PPFIA2: variants seen among roughly 807,000 people sequenced by gnomAD.
PPFIA2 encodes the protein liprin-alpha-2.
PPFIA2 carries 46 observed loss-of-function variants against 175.5 expected under a neutral mutation model. The observed-to-expected ratio is 0.26, with a 90% CI of 0.21 to 0.34. The LOEUF (loss-of-function observed/expected upper bound fraction) is 0.34, where lower values mean the gene tolerates loss of function less well. PPFIA2 is among the 10% of genes least tolerant of loss of function. PPFIA2 has a pLI of 1.00. For missense variants in PPFIA2, 1,179 were observed against 1,506.1 expected (o/e 0.78, Z 3.60); for synonymous variants, 568 against 511.4 (o/e 1.11, Z -1.49).
chr12:81,602,583 C>T (rs956780633), intron 4 of PPFIA2, among the ~76,000 whole-genome samples: 1 of 151,788 alleles, frequency 6.6e-6, no homozygotes, highest in Admixed American at 6.6e-5. Flanking sequence ...TTGTTGAAAG[C>T]TAACAACCAG....
chr12:81,409,561 A>C (rs1313162331), intron 7 of PPFIA2, among the ~76,000 whole-genome samples: 1 of 152,140 alleles, frequency 6.6e-6, no homozygotes, highest in Non-Finnish European at 1.5e-5. Flanking sequence ...CTATGGGATA[A>C]GGCATCATAA....
intron 4 of PPFIA2, among the ~76,000 whole-genome samples, chr12:81,460,389 C>A (rs2054315544): frequency 6.6e-6 from 1 of 152,110 alleles, no homozygotes; most frequent in African/African-American, 2.4e-5. Flanking sequence ...GTCCATTAAA[C>A]CTCTTTTTCT....
At chr12:81,343,190 C>A (rs1419921832) in intron 19 of PPFIA2, among the ~76,000 whole-genome samples, 3 of 151,970 alleles carry the variant, frequency 2.0e-5, no homozygotes, top group African/African-American at 7.2e-5. Context: ...TTAACTCGTT[C>A]CCCGATACAC....
chr12:81,536,588 G>T (rs1002952988), intron 4 of PPFIA2, among the ~76,000 whole-genome samples: 4 of 149,236 alleles, frequency 2.7e-5, no homozygotes, highest in African/African-American at 9.8e-5. Flanking sequence ...TTCCCAAAGG[G>T]AAACCAAAAA....
In PPFIA2 at chr12:81,598,169, CA is replaced by C. The variant is rs1595455812; in HGVS notation, c.303+78621del. 1.8e-5 allele frequency: 25 copies of C among 1,406,502 alleles called. No homozygotes were observed. The East Asian group carries it at 6.6e-4, about 37-fold the overall frequency. The allele number at this position is 1,406,502 out of a possible 1,614,324, so 87.1% of individuals were successfully genotyped here. ...ATCTGCCCCATCCTTCTTACATACA[CA>C]GTGATAGCATTTTGAATTGTTCTTC... On this transcript the variant is annotated intron_variant, in intron 4 of 32. Coordinates refer to ENST00000549396, the MANE Select transcript of PPFIA2 (RefSeq NM_003625.5).
chr12:81,400,317 G>T (rs992093600), intron 8 of PPFIA2, among the ~76,000 whole-genome samples: 1 of 152,008 alleles, frequency 6.6e-6, no homozygotes, highest in Non-Finnish European at 1.5e-5. Context: ...GTCATTGGTT[G>T]TTCATTCTAA....
At chr12:81,526,064 T>C (rs1358273451) in intron 4 of PPFIA2, among the ~76,000 whole-genome samples, 1 of 152,212 alleles carries the variant, frequency 6.6e-6, no homozygotes, top group East Asian at 1.9e-4. Flanking sequence ...CCTTTTTTCC[T>C]TTCCAAGTAC....
chr12:81,715,793 TCCCTTG>T (rs2078535160), intron 3 of PPFIA2, among the ~76,000 whole-genome samples: 1 of 151,760 alleles, frequency 6.6e-6, no homozygotes, highest in East Asian at 1.9e-4. Context: ...GGCATTATGC[TCCCTTG>T]ATTTCATATT....
intron 4 of PPFIA2, among the ~76,000 whole-genome samples, chr12:81,659,103 T>A (rs1220181508): frequency 6.6e-6 from 1 of 152,084 alleles, no homozygotes; most frequent in African/African-American, 2.4e-5. Context: ...GATGGCCAAA[T>A]AGGAACAGCT....
At chr12:81,299,484 AT>A in intron 22 of PPFIA2, 102 bp from the exon 23 acceptor site, 2 of 1,407,824 alleles carry the variant, frequency 1.4e-6, no homozygotes, top group African/African-American at 1.4e-5. Flanking sequence ...CCTTTACAAG[AT>A]TTTTTATGAT....
chr12:81,325,664 T>C (rs993943122), intron 22 of PPFIA2, 113 bp downstream of exon 22: 1 of 701,404 alleles, frequency 1.4e-6, no homozygotes, highest in Non-Finnish European at 2.4e-6. Flanking sequence ...ATCTGGAAAA[T>C]ATTGGCTTCA....
chr12:81,358,923 C>A (rs945947730), intron 15 of PPFIA2, among the ~76,000 whole-genome samples: 4 of 151,882 alleles, frequency 2.6e-5, no homozygotes, highest in Non-Finnish European at 4.4e-5. Context: ...ATGAAAGAGT[C>A]GGAAAATTTT....
chr12:81,484,780 T>C (rs974838835), intron 4 of PPFIA2, among the ~76,000 whole-genome samples: 4 of 151,926 alleles, frequency 2.6e-5, no homozygotes. Flanking sequence ...GCATTGCTAA[T>C]TTTAAATTCC....
chr12:81,327,588 T>C lies in PPFIA2; in HGVS notation c.2549-1718A>G, dbSNP rs189838367. 5.5e-4 allele frequency among the ~76,000 whole-genome samples: 84 copies of C among 152,238 alleles called. 1 individual carries two copies. Among genetic ancestry groups the C allele is most frequent in the African/African-American group, 2.0e-3 (82 of 41,566 alleles). On this transcript the variant is annotated intron_variant, in intron 21 of 32. Coordinates refer to ENST00000549396, the MANE Select transcript of PPFIA2 (RefSeq NM_003625.5). Reference sequence around the variant, plus strand: ...TTATAAAATTCTTGAATGGTCCATATAGGGACATAGAGATTGATGAGGCAG... The same window carrying C: ...TTATAAAATTCTTGAATGGTCCATACAGGGACATAGAGATTGATGAGGCAG...
chr12:81,618,597 C>T (rs1421107727), intron 4 of PPFIA2, among the ~76,000 whole-genome samples: 3 of 143,534 alleles, frequency 2.1e-5, no homozygotes, highest in African/African-American at 7.8e-5. Context: ...GGCGCGACCT[C>T]GGCTCACTGC....
At chr12:81,617,096 G>T (rs1357775777) in intron 4 of PPFIA2, among the ~76,000 whole-genome samples, 1 of 152,032 alleles carries the variant, frequency 6.6e-6, no homozygotes, top group Non-Finnish European at 1.5e-5. Context: ...AATTAAAGTA[G>T]GTTTTTAACT....
chr12:81,270,740 A>G (rs2038844072), intron 28 of PPFIA2: 1 of 152,196 alleles, frequency 6.6e-6, no homozygotes, highest in African/African-American at 2.4e-5. Flanking sequence ...AAGACACACA[A>G]TCTGTGGTAC....
chr12:81,638,233 A>G (rs545946303), intron 4 of PPFIA2, among the ~76,000 whole-genome samples: 4 of 152,280 alleles, frequency 2.6e-5, no homozygotes, highest in African/African-American at 9.6e-5. Flanking sequence ...ACCACCCTGT[A>G]TGACTTGAAA....
At chr12:81,473,167 G>A (rs1181229572) in intron 4 of PPFIA2, among the ~76,000 whole-genome samples, 1 of 152,150 alleles carries the variant, frequency 6.6e-6, no homozygotes, top group Non-Finnish European at 1.5e-5. Context: ...CAGCACTCTG[G>A]GGGGCTGAGG....
Sources: allele counts gnomAD v4.1 joint callset (sites outside exome capture counted in the v4.1 genomes callset), GRCh38; gene constraint gnomAD v4.1.1; transcripts MANE v1.5; gene names NCBI Gene and HGNC (gene_info 2026-07-23, HGNC 2026-07-21).